The following HBS1L variants were observed in gnomAD, a reference collection of about 807,000 sequenced individuals.
HBS1L encodes HBS1 like translational GTPase.
A neutral mutation model predicts 88.9 loss-of-function variants in HBS1L; 55 were observed. The observed-to-expected ratio is 0.62, with a 90% confidence interval of 0.50 to 0.77. HBS1L has a LOEUF of 0.77. Ranked by LOEUF, HBS1L falls within the 30% of genes least tolerant of loss-of-function variation. The pLI is 0.00. For synonymous variants in HBS1L, 267 were observed against 288.5 expected (o/e 0.93, Z 0.76); for missense variants, 741 against 829.3 (o/e 0.89, Z 1.31).
intron 4 of HBS1L, among the ~76,000 whole-genome samples, chr6:135,003,615 CCCAGCA>C (rs1775527465): frequency 6.7e-6 from 1 of 149,894 alleles, no homozygotes; most frequent in Non-Finnish European, 1.5e-5. Flanking sequence ...TGCCTGTAAT[CCCAGCA>C]CTTTGGGAAG....
chr6:134,979,123 A>T, intron 14 of HBS1L, 55 bp downstream of exon 14: 1 of 1,259,054 alleles, frequency 7.9e-7, no homozygotes, highest in Non-Finnish European at 1.2e-6. Context: ...ATATGTGTTT[A>T]GAGGTGAGGT....
Position 135,039,771 on chromosome 6 carries a change from G to A in HBS1L, c.236-4C>T, listed in dbSNP as rs770706840. ...TCAAGGCATGAATAAAGACGAGCTA[G>A]AAAAGACGACAATGGTCAAAAGCTA... On this transcript the variant is annotated splice_region_variant and splice_polypyrimidine_tract_variant and intron_variant, in intron 3 of 17. Coordinates refer to ENST00000367837, the MANE Select transcript of HBS1L (RefSeq NM_006620.4). 1 of 1,605,292 alleles carries A rather than the reference G, an allele frequency of 6.2e-7. No individual in the cohort carries two copies. The highest frequency in any genetic ancestry group is 1.7e-5 in the Admixed American group (1 of 57,752).
chr6:134,987,308 C>T (rs1775005563), intron 9 of HBS1L, among the ~76,000 whole-genome samples: 1 of 151,412 alleles, frequency 6.6e-6, no homozygotes, highest in South Asian at 2.1e-4. Context: ...GATGAATATA[C>T]AAAATGAAAT....
At chr6:135,033,848 A>C (rs1776456293) in intron 4 of HBS1L, among the ~76,000 whole-genome samples, 1 of 152,236 alleles carries the variant, frequency 6.6e-6, no homozygotes, top group Admixed American at 6.5e-5. Context: ...CTAACCTATC[A>C]GTAATTATCA....
chr6:135,017,618 A>T (rs1213912411), intron 4 of HBS1L, among the ~76,000 whole-genome samples: 1 of 152,066 alleles, frequency 6.6e-6, no homozygotes, highest in African/African-American at 2.4e-5. Flanking sequence ...ACATTTAAAA[A>T]TATATAAAGA....
intron 4 of HBS1L, among the ~76,000 whole-genome samples, chr6:135,023,523 A>G (rs1306378467): frequency 6.6e-6 from 1 of 152,216 alleles, no homozygotes; most frequent in Non-Finnish European, 1.5e-5. Context: ...ATATTTGCAT[A>G]CAGACATACT....
intron 4 of HBS1L, among the ~76,000 whole-genome samples, chr6:135,019,354 A>C (rs1007357123): frequency 1.3e-5 from 2 of 152,116 alleles, no homozygotes; most frequent in African/African-American, 4.8e-5. Flanking sequence ...CAGGAGAAAT[A>C]AAAATTTCAT....
At chr6:134,984,393 A>G (rs915828161) in intron 12 of HBS1L, among the ~76,000 whole-genome samples, 5 of 152,218 alleles carry the variant, frequency 3.3e-5, no homozygotes, top group African/African-American at 1.2e-4. Context: ...CAAGGAGTTC[A>G]TAATCTAAGT....
At chr6:135,011,827 A>G (rs1775783322) in intron 4 of HBS1L, among the ~76,000 whole-genome samples, 1 of 151,134 alleles carries the variant, frequency 6.6e-6, no homozygotes. Flanking sequence ...AATCACTTGA[A>G]CCCAGGAGGC....
intron 8 of HBS1L, among the ~76,000 whole-genome samples, chr6:134,992,977 A>G (rs1775187034): frequency 6.6e-6 from 1 of 151,990 alleles, no homozygotes. Flanking sequence ...TTTATGCCCT[A>G]TTTTTACTGT....
rs1774861225 is a variant in HBS1L, at chr6:134,982,537, A to T, written c.1518T>A (p.Thr506=). 1 of 1,610,030 alleles carries T rather than the reference A, an allele frequency of 6.2e-7. No homozygotes were observed. Among genetic ancestry groups the T allele is most frequent in the Non-Finnish European group, 8.5e-7 (1 of 1,176,936 alleles). ...GGATATAACCAGCTTCTATTTTACCAGTTATGCAAAATCCAGATCCTTGAT... is the reference window on the plus strand; with the variant it reads ...GGATATAACCAGCTTCTATTTTACCTGTTATGCAAAATCCAGATCCTTGAT... ...FKDQGSGFCI[T]GKIEAGYIQT... is the part of the protein sequence containing the mutation. Residue 506 remains threonine (T), a synonymous_variant, in exon 13 of 18, where the codon ACT becomes ACA. Transcript: ENST00000367837.
intron 4 of HBS1L, among the ~76,000 whole-genome samples, chr6:135,011,392 C>T (rs767287554): frequency 2.0e-5 from 3 of 152,100 alleles, no homozygotes; most frequent in African/African-American, 4.8e-5. Context: ...TATTAACATG[C>T]ACCTGTAGTC....
At chr6:135,041,170 T>G (rs1776725121) in intron 3 of HBS1L, among the ~76,000 whole-genome samples, 1 of 152,146 alleles carries the variant, frequency 6.6e-6, no homozygotes, top group African/African-American at 2.4e-5. Context: ...ATTTGATACT[T>G]CTTTCATTGG....
At chr6:134,982,592 A>T in intron 12 of HBS1L, 30 bp from the exon 13 acceptor site, 1 of 1,276,132 alleles carries the variant, frequency 7.8e-7, no homozygotes, top group Non-Finnish European at 1.1e-6. Flanking sequence ...CTTATGGTTC[A>T]TACAGCAATG....
rs1431661643 is a variant in HBS1L, at chr6:134,961,545, A to C, written c.*3734T>G. 2 of 152,174 alleles carry C rather than the reference A, an allele frequency of 1.3e-5. No homozygotes were observed. Among genetic ancestry groups the C allele is most frequent in the Non-Finnish European group, 2.9e-5 (2 of 68,028 alleles). 9.4% of individuals were successfully genotyped at this position (152,174 alleles called of 1,614,324 possible). ...AAAACAAAGTCACTGTGCAAACCAT[A>C]AACAGCCAACCTCTTCTTGTGGCTA... On this transcript the variant is annotated 3_prime_UTR_variant, in exon 18 of 18. Transcript: ENST00000367837.
At chr6:134,987,851 A>G in intron 8 of HBS1L, 60 bp from the exon 9 acceptor site, 1 of 1,383,262 alleles carries the variant, frequency 7.2e-7, no homozygotes, top group Non-Finnish European at 9.6e-7. Flanking sequence ...TTCAAAGGAC[A>G]GATTATTCAA....
chr6:134,968,981 T>C (rs959819927), intron 16 of HBS1L, among the ~76,000 whole-genome samples: 1 of 152,192 alleles, frequency 6.6e-6, no homozygotes, highest in Non-Finnish European at 1.5e-5. Flanking sequence ...TATATAAGTT[T>C]ATATTTACAT....
At chr6:135,003,685 G>C (rs915013708) in intron 4 of HBS1L, among the ~76,000 whole-genome samples, 6 of 151,740 alleles carry the variant, frequency 4.0e-5, no homozygotes, top group Non-Finnish European at 1.5e-5. Context: ...GACCAACACA[G>C]TGAAACCCCT....
At chr6:134,998,930 TTCCCA>T (rs1775367717) in intron 5 of HBS1L, among the ~76,000 whole-genome samples, 1 of 152,190 alleles carries the variant, frequency 6.6e-6, no homozygotes, top group Non-Finnish European at 1.5e-5. Flanking sequence ...GCAGGAAATG[TTCCCA>T]TACTTTTAAA....
Sources: allele counts gnomAD v4.1 joint callset (sites outside exome capture counted in the v4.1 genomes callset), GRCh38; gene constraint gnomAD v4.1.1; transcripts MANE v1.5; gene names NCBI Gene and HGNC (gene_info 2026-07-23, HGNC 2026-07-21).